Variants in RANBP3L observed in about 807,000 individuals in gnomAD.
RANBP3L encodes the protein RAN binding protein 3 like.
RANBP3L carries 56 observed loss-of-function variants against 67.2 expected under a neutral mutation model. The observed-to-expected ratio is 0.83, with a 90% CI of 0.67 to 1.04. RANBP3L has a LOEUF of 1.04. Among genes scored for constraint, RANBP3L ranks in the 50% least tolerant of loss-of-function variants. The pLI is 0.00. For missense variants in RANBP3L, 496 were observed against 535.5 expected (o/e 0.93, Z 0.73); for synonymous variants, 164 against 181.4 (o/e 0.90, Z 0.77).
chr5:36,255,356 T>G, intron 11 of RANBP3L, 114 bp downstream of exon 11: 1 of 1,020,868 alleles, frequency 9.8e-7, no homozygotes, highest in Non-Finnish European at 1.4e-6. Flanking sequence ...AACAGTCTGA[T>G]TTTTTGGTGT....
intron 1 of RANBP3L, among the ~76,000 whole-genome samples, chr5:36,292,287 A>G (rs371175076): frequency 0.019 from 2,829 of 151,628 alleles, 55 homozygotes; most frequent in African/African-American, 0.042. Flanking sequence ...TTCATTGTAG[A>G]TTCTGGATAT....
intron 12 of RANBP3L, 75 bp from the exon 13 acceptor site, chr5:36,251,574 C>G (rs1340575691): frequency 1.6e-5 from 19 of 1,173,550 alleles, no homozygotes; most frequent in Non-Finnish European, 2.3e-5. Flanking sequence ...TAATCTTTCA[C>G]TACTAATAAG....
At chr5:36,290,801 G>A (rs1159831721) in intron 1 of RANBP3L, among the ~76,000 whole-genome samples, 9 of 138,226 alleles carry the variant, frequency 6.5e-5, no homozygotes, top group South Asian at 2.4e-4. Context: ...GCGCGATCTC[G>A]GCTCACTGCA....
intron 1 of RANBP3L, among the ~76,000 whole-genome samples, chr5:36,285,155 G>C (rs1000094941): frequency 6.6e-6 from 1 of 152,170 alleles, no homozygotes; most frequent in African/African-American, 2.4e-5. Flanking sequence ...TCATAAATGT[G>C]ATTTGTTTGT....
intron 4 of RANBP3L, among the ~76,000 whole-genome samples, chr5:36,266,371 A>C (rs942318361): frequency 6.6e-6 from 1 of 152,202 alleles, no homozygotes; most frequent in East Asian, 1.9e-4. Context: ...TCTCCTCTTC[A>C]TTGCAAATTG....
chr5:36,301,412 G>A lies in RANBP3L; in HGVS notation c.5C>T (p.Thr2Ile). The change falls in exon 1 of 14, where the codon ACT becomes ATT. Residue 2 changes from threonine (T) to isoleucine (I), a missense_variant. Thr to Ile is a moderately conservative substitution (Grantham distance 89). Transcript: ENST00000296604. ...GCTGCTGCCTTTTCTTGGTATGGTA[G>A]TCATGGTCCTAGCAGTATGGCTGTG... MTTIPRKGSSHL... is the reference protein window; with the variant it reads MITIPRKGSSHL... The A allele has an allele frequency of 1.2e-6, 2 of 1,612,996 alleles. No homozygotes were observed. Among genetic ancestry groups the A allele is most frequent in the Non-Finnish European group, 1.7e-6 (2 of 1,179,478 alleles).
At chr5:36,297,908 G>A (rs1165436553) in intron 1 of RANBP3L, among the ~76,000 whole-genome samples, 4 of 152,126 alleles carry the variant, frequency 2.6e-5, no homozygotes, top group Admixed American at 2.6e-4. Context: ...AAGAATAAGT[G>A]ATTTTTATCT....
At chr5:36,257,177 G>A in intron 9 of RANBP3L, 106 bp from the exon 10 acceptor site, 1 of 933,344 alleles carries the variant, frequency 1.1e-6, no homozygotes, top group Non-Finnish European at 1.5e-6. Flanking sequence ...TCTTCTAGTA[G>A]TAAGTGATTC....
At chr5:36,271,449 A>G in intron 1 of RANBP3L, 138 bp from the exon 2 acceptor site, 1 of 616,748 alleles carries the variant, frequency 1.6e-6, no homozygotes. Flanking sequence ...TTTTACATGA[A>G]TACTATCAAT....
At chr5:36,256,785 G>T in intron 10 of RANBP3L, 156 bp downstream of exon 10, 1 of 627,552 alleles carries the variant, frequency 1.6e-6, no homozygotes, top group Non-Finnish European at 2.6e-6. Flanking sequence ...TAAATTATTG[G>T]TTCAATTTTT....
intron 1 of RANBP3L, among the ~76,000 whole-genome samples, chr5:36,298,608 C>T (rs1001774556): frequency 9.2e-5 from 14 of 152,168 alleles, no homozygotes; most frequent in Non-Finnish European, 1.6e-4. Flanking sequence ...AACTCCAGGA[C>T]AGTAACTGGA....
chr5:36,265,094 A>C lies in RANBP3L; in HGVS notation c.345T>G (p.Pro115=). 3 of 1,591,688 alleles carry C rather than the reference A, an allele frequency of 1.9e-6. No homozygotes were observed. Among genetic ancestry groups the C allele is most frequent in the Non-Finnish European group, 2.6e-6 (3 of 1,162,874 alleles). Residue 115 remains proline (P), a synonymous_variant, in exon 6 of 14, where the codon CCT becomes CCG. Transcript: ENST00000296604. ...SVDIKSAEQG[P]VKHSKHVIRP... is the part of the protein sequence containing the mutation. ...TAATAACATGTTTAGAATGTTTCAC[A>C]GGACCTTAAAAGAATAGAATTAAAG...
chr5:36,280,493 A>G (rs1750897071), intron 1 of RANBP3L, among the ~76,000 whole-genome samples: 1 of 152,210 alleles, frequency 6.6e-6, no homozygotes, highest in Admixed American at 6.5e-5. Context: ...CTTCACTAAC[A>G]TCTTTATGGA....
intron 1 of RANBP3L, among the ~76,000 whole-genome samples, chr5:36,288,253 A>C (rs1192947247): frequency 6.6e-6 from 1 of 152,072 alleles, no homozygotes; most frequent in Non-Finnish European, 1.5e-5. Context: ...TGTCTGGCTT[A>C]TTTTCACTCA....
chr5:36,286,925 C>T (rs1751366324), intron 1 of RANBP3L, among the ~76,000 whole-genome samples: 1 of 152,140 alleles, frequency 6.6e-6, no homozygotes, highest in South Asian at 2.1e-4. Context: ...TCCATTATGA[C>T]ACTCTATGCT....
chr5:36,296,085 A>C (rs1752197521), intron 1 of RANBP3L, among the ~76,000 whole-genome samples: 1 of 152,170 alleles, frequency 6.6e-6, no homozygotes. Context: ...TCCTGTGCTC[A>C]TGACCCTTCC....
At chr5:36,258,955 G>T (rs1749180329) in intron 8 of RANBP3L, among the ~76,000 whole-genome samples, 1 of 152,174 alleles carries the variant, frequency 6.6e-6, no homozygotes, top group African/African-American at 2.4e-5. Context: ...AGCCAAATTT[G>T]AGATCAATGC....
Position 36,253,709 on chromosome 5 carries a change from T to C in RANBP3L, c.1105A>G (p.Lys369Glu). The change falls in exon 12 of 14, where the codon AAA becomes GAA. Residue 369 changes from lysine (K) to glutamate (E), a missense_variant. Coordinates refer to ENST00000296604, the MANE Select transcript of RANBP3L (RefSeq NM_145000.5). ...TCAGTAGCTGTTATTCGTACATTTT[T>C]GTGGTTTGCTCTTTGAATCTTCATT... ...AQMKIQRANH[K>E]NVRITATDLE... The C allele has an allele frequency of 6.2e-7, 1 of 1,612,310 alleles. No individual in the cohort carries two copies. The highest frequency in any genetic ancestry group is 8.5e-7 in the Non-Finnish European group (1 of 1,178,444).
intron 1 of RANBP3L, 62 bp from the exon 2 acceptor site, chr5:36,271,373 T>A (rs1471209760): frequency 1.9e-6 from 2 of 1,077,212 alleles, no homozygotes; most frequent in East Asian, 4.8e-5. Context: ...TTACATCATC[T>A]AAAAATATTT....
Sources: gnomAD v4.1 joint callset for allele counts (sites outside exome capture counted in the v4.1 genomes callset) on GRCh38, gnomAD v4.1.1 for gene constraint, MANE v1.5 for transcripts, NCBI Gene and HGNC (gene_info 2026-07-23, HGNC 2026-07-21) for gene names.